The following CCT5 variants were observed in gnomAD, a reference collection of about 807,000 sequenced individuals.
CCT5 encodes the protein T-complex protein 1 subunit epsilon.
A neutral mutation model predicts 55.0 loss-of-function variants in CCT5; 6 were observed. The ratio of observed to expected loss-of-function variants is 0.11; its 90% CI spans 0.06 to 0.22. CCT5 has a LOEUF of 0.22. Ranked by LOEUF, CCT5 falls within the 10% of genes least tolerant of loss-of-function variation. The pLI is 1.00. For missense variants in CCT5, 560 were observed against 694.6 expected (o/e 0.81, Z 2.18); for synonymous variants, 231 against 243.7 (o/e 0.95, Z 0.49).
rs1745602166 is a variant in CCT5 at position 10,254,991 on chromosome 5, T to C, written c.331+153T>C. 3 of 671,268 alleles carry C rather than the reference T, an allele frequency of 4.5e-6. No homozygotes were observed. In the Admixed American group the frequency reaches 6.8e-5, roughly 15 times the overall value. The allele number at this position is 671,268 out of a possible 1,614,324, so 41.6% of individuals were successfully genotyped here. ...ATGCTACAAAACAAATGTCGGACTTTCAAAACTGACAGTGTTACAAAAGAA... is the reference window on the plus strand; with the variant it reads ...ATGCTACAAAACAAATGTCGGACTTCCAAAACTGACAGTGTTACAAAAGAA... On this transcript the variant is annotated intron_variant, in intron 3 of 10. Transcript: ENST00000280326.
rs780247734 is a variant in CCT5, at chr5:10,258,368, C to G, written c.724-18C>G. On this transcript the variant is annotated intron_variant, in intron 5 of 10. Coordinates refer to ENST00000280326, the MANE Select transcript of CCT5 (RefSeq NM_012073.5). ...CTCTTAATTCCACCAATTAAAATGT[C>G]TTTATGTTCCCCCATAGAAAGTGGA... The G allele has an allele frequency of 6.2e-6, 10 of 1,613,948 alleles. No individual in the cohort carries two copies. Among genetic ancestry groups the G allele is most frequent in the Non-Finnish European group, 8.5e-6 (10 of 1,180,008 alleles).
upstream of CCT5, chr5:10,250,240 C>T: frequency 6.3e-7 from 1 of 1,583,496 alleles, no homozygotes; most frequent in South Asian, 1.1e-5. Flanking sequence ...TCTTGTGCTG[C>T]GCGTGCGCAA....
intron 4 of CCT5, 152 bp downstream of exon 4, chr5:10,256,305 T>G (rs950491885): frequency 2.8e-6 from 2 of 717,964 alleles, no homozygotes; most frequent in Non-Finnish European, 4.9e-6. Flanking sequence ...TTAATGTAGA[T>G]GTAGACAGAT....
chr5:10,262,392 C>G, intron 8 of CCT5, 89 bp from the exon 9 acceptor site: 2 of 1,380,442 alleles, frequency 1.4e-6, no homozygotes, highest in South Asian at 2.3e-5. Context: ...TAGAGCACAG[C>G]CTCTCTGTCT....
chr5:10,250,788 AG>A, intron 1 of CCT5: 1 of 1,179,782 alleles, frequency 8.5e-7, no homozygotes, highest in Non-Finnish European at 1.1e-6. Context: ...CTCCAGTGGG[AG>A]GGCGCCGGGG....
At chr5:10,260,067 G>A (rs947755643) in intron 6 of CCT5, among the ~76,000 whole-genome samples, 16 of 152,174 alleles carry the variant, frequency 1.1e-4, no homozygotes, top group African/African-American at 3.9e-4. Context: ...GTATAAGGAG[G>A]CTGCTGTTCT....
intron 8 of CCT5, 53 bp from the exon 9 acceptor site, chr5:10,262,428 C>G (rs572543943): frequency 6.2e-6 from 10 of 1,609,092 alleles, no homozygotes; most frequent in Middle Eastern, 2.2e-4. Flanking sequence ...ATACTTGGCT[C>G]TAAATTGACT....
intron 1 of CCT5, chr5:10,250,657 A>G: frequency 1.4e-6 from 2 of 1,414,324 alleles, no homozygotes; most frequent in South Asian, 1.5e-5. Flanking sequence ...GGGGCCAGCC[A>G]GGCTGGGCCG....
In CCT5 at chr5:10,254,721, A is replaced by G; in HGVS notation, c.214A>G (p.Asn72Asp). The G allele has an allele frequency of 6.2e-7, 1 of 1,613,586 alleles. No individual in the cohort carries two copies. The highest frequency in any genetic ancestry group is 1.3e-5 in the African/African-American group (1 of 75,012). Residue 72 changes from asparagine to aspartate, a missense_variant, in exon 3 of 11, where the codon AAT (asparagine) becomes GAT (aspartate). Asn to Asp is a conservative substitution (Grantham distance 23, BLOSUM62 1). This residue lies in a region of CCT5 where 137 missense variants were observed against 181.9 expected (regional missense o/e 0.75). Coordinates refer to ENST00000280326, the MANE Select transcript of CCT5 (RefSeq NM_012073.5). ...VDKDGDVTVT[N>D]DGATILSMMD... ...TAAGGATGGAGATGTGACTGTAACT[A>G]ATGATGGGGCCACCATCTTAAGCAT... is the stretch of plus-strand genomic sequence containing the variant.
upstream of CCT5, chr5:10,250,096 T>C (rs1579441610): frequency 6.5e-6 from 10 of 1,536,678 alleles, no homozygotes; most frequent in East Asian, 2.2e-4. Flanking sequence ...TTGTGTGTCC[T>C]AAGATTTCCA....
At position 10,254,255 on chromosome 5, in the gene CCT5, A is replaced by G. The variant is rs199849658; in HGVS notation, c.166+50A>G. ...TTTAGCAAAAGATTTAAATTATAAA[A>G]CTGTCAATATAAACCTCTCTACAGA... On this transcript the variant is annotated intron_variant, in intron 2 of 10. Coordinates refer to ENST00000280326, the MANE Select transcript of CCT5 (RefSeq NM_012073.5). 3.9e-6 allele frequency: 5 copies of G among 1,269,470 alleles called. No individual in the cohort carries two copies. The East Asian group carries it at 1.2e-4, about 29-fold the overall frequency. 78.6% of individuals were successfully genotyped at this position (1,269,470 alleles called of 1,614,324 possible). A position where few individuals can be genotyped will look rare whatever the true frequency, so the allele number is the denominator to read the frequency against.
At chr5:10,262,001 A>C (rs1486859703) in intron 8 of CCT5, 1 of 462,230 alleles carries the variant, frequency 2.2e-6, no homozygotes, top group Non-Finnish European at 4.0e-6. Context: ...AAATACTTAA[A>C]CACAGTTTAA....
In CCT5 at chr5:10,256,122, C is replaced by G. The variant is rs199552031; in HGVS notation, c.499C>G (p.Gln167Glu). The G allele has an allele frequency of 1.9e-6, 3 of 1,613,762 alleles. No homozygotes were observed. The highest frequency in any genetic ancestry group is 2.7e-5 in the African/African-American group (2 of 75,050). Residue 167 changes from glutamine to glutamate, a missense_variant, in exon 4 of 11, where the codon CAG becomes GAG. Transcript: ENST00000280326. ...CATAAAGGACACCGAACCCCTGATTCAGACAGCAAAAACCACGCTGGGCTC... is the reference window on the plus strand; with the variant it reads ...CATAAAGGACACCGAACCCCTGATTGAGACAGCAAAAACCACGCTGGGCTC... ...VDIKDTEPLI[Q>E]TAKTTLGSKV...
At chr5:10,250,878 T>G in intron 1 of CCT5, 1 of 1,044,326 alleles carries the variant, frequency 9.6e-7, no homozygotes, top group Non-Finnish European at 1.2e-6. Flanking sequence ...TTCCGTTTTC[T>G]TTGTCACTCG....
chr5:10,252,853 C>T (rs908269720), intron 1 of CCT5, among the ~76,000 whole-genome samples: 7 of 152,060 alleles, frequency 4.6e-5, no homozygotes, highest in African/African-American at 1.2e-4. Flanking sequence ...AAATAGATCT[C>T]GGGATTTCGG....
In CCT5 at chr5:10,258,420, G is replaced by C. The variant is rs1745788186; in HGVS notation, c.758G>C (p.Cys253Ser). 6.2e-7 allele frequency: 1 copy of C among 1,614,066 alleles called. No individual in the cohort carries two copies. The highest frequency in any genetic ancestry group is 1.1e-5 in the South Asian group (1 of 91,088). The change falls in exon 6 of 11, where the codon TGT becomes TCT. Residue 253 changes from cysteine to serine, a missense_variant. This residue lies in a region of CCT5 where 256 missense variants were observed against 372.4 expected (regional missense o/e 0.69). Coordinates refer to ENST00000280326, the MANE Select transcript of CCT5 (RefSeq NM_012073.5). Reference sequence around the variant, plus strand: ...GATGCGAAGATTGCAATTCTCACATGTCCATTTGAACCACCCAAACCAAAA... The same window carrying C: ...GATGCGAAGATTGCAATTCTCACATCTCCATTTGAACCACCCAAACCAAAA... ...VEDAKIAILT[C>S]PFEPPKPKTK...
chr5:10,264,621 T>A, intron 10 of CCT5, 35 bp from the exon 11 acceptor site: 1 of 1,311,292 alleles, frequency 7.6e-7, no homozygotes, highest in Non-Finnish European at 1.1e-6. Flanking sequence ...TATTGTATGC[T>A]ATTTTAGGAT....
At chr5:10,250,816 G>A (rs531724413) in intron 1 of CCT5, 351 of 1,116,960 alleles carry the variant, frequency 3.1e-4, no homozygotes, top group Admixed American at 4.8e-4. Context: ...TCTGTCACCT[G>A]TCGGTTAAGG....
At chr5:10,262,345 GAT>G in intron 8 of CCT5, 134 bp from the exon 9 acceptor site, 1 of 964,476 alleles carries the variant, frequency 1.0e-6, no homozygotes, top group South Asian at 1.4e-5. Context: ...AAGCTAGAAA[GAT>G]AAATATTATC....
Sources: gnomAD v4.1 joint callset for allele counts (sites outside exome capture counted in the v4.1 genomes callset) on GRCh38, gnomAD v4.1.1 for gene constraint, gnomAD v4.1.1 regional missense constraint, MANE v1.5 for transcripts, NCBI Gene and HGNC (gene_info 2026-07-23, HGNC 2026-07-21) for gene names.